The following GRM1 variants were observed in gnomAD, a reference collection of about 807,000 sequenced individuals.
GRM1 encodes the protein metabotropic glutamate receptor 1.
Under a neutral mutation model 90.9 loss-of-function variants are expected in GRM1, and 33 were observed. That is an observed-to-expected ratio of 0.36 (90% CI 0.28 to 0.49). The LOEUF (loss-of-function observed/expected upper bound fraction) is 0.49, where lower values mean the gene tolerates loss of function less well. GRM1 is among the 20% of genes least tolerant of loss of function. GRM1 has a pLI of 0.99. For missense variants in GRM1, 1,190 were observed against 1,534.3 expected (o/e 0.78, Z 3.75); for synonymous variants, 700 against 613.2 (o/e 1.14, Z -2.09).
At chr6:146,174,856 C>G (rs1460507895) in intron 2 of GRM1, among the ~76,000 whole-genome samples, 1 of 152,202 alleles carries the variant, frequency 6.6e-6, no homozygotes, top group Non-Finnish European at 1.5e-5. Flanking sequence ...TGCTTCCAAA[C>G]TCATTCACTT....
At chr6:146,311,764 CA>C (rs1401517817) in intron 3 of GRM1, among the ~76,000 whole-genome samples, 23 of 152,112 alleles carry the variant, frequency 1.5e-4, no homozygotes, top group Non-Finnish European at 3.1e-4. Context: ...CATGAACTTA[CA>C]AATTGTGAAA....
At chr6:146,146,895 A>G (rs192677716) in intron 1 of GRM1, among the ~76,000 whole-genome samples, 1 of 152,334 alleles carries the variant, frequency 6.6e-6, no homozygotes. Context: ...TAAGCAACAG[A>G]AAACAGAGTA....
chr6:146,349,251 T>A (rs113251681), intron 3 of GRM1, among the ~76,000 whole-genome samples: 2,201 of 150,516 alleles, frequency 0.015, 46 homozygotes, highest in African/African-American at 0.05. Flanking sequence ...TTTTTATTTT[T>A]TTTTTATTTT....
intron 1 of GRM1, among the ~76,000 whole-genome samples, chr6:146,042,307 T>C (rs1048244681): frequency 6.6e-6 from 1 of 152,038 alleles, no homozygotes; most frequent in Non-Finnish European, 1.5e-5. Context: ...AGGCTGCTAA[T>C]ATGCATCCTT....
chr6:146,186,566 G>T (rs1033088247), intron 2 of GRM1, among the ~76,000 whole-genome samples: 6 of 152,060 alleles, frequency 3.9e-5, no homozygotes, highest in Non-Finnish European at 8.8e-5. Context: ...CTGGGTACAT[G>T]ATCTGTTTAC....
chr6:146,232,902 A>G (rs1780496082), intron 2 of GRM1, among the ~76,000 whole-genome samples: 1 of 151,964 alleles, frequency 6.6e-6, no homozygotes, highest in Non-Finnish European at 1.5e-5. Flanking sequence ...TGCCAGAATT[A>G]TGAGTATAGA....
intron 1 of GRM1, among the ~76,000 whole-genome samples, chr6:146,104,019 G>A (rs1378640368): frequency 6.6e-6 from 1 of 152,150 alleles, no homozygotes; most frequent in African/African-American, 2.4e-5. Context: ...TGGTTTGGGA[G>A]TTGCTTGTTT....
chr6:146,091,114 T>A (rs894563940), intron 1 of GRM1, among the ~76,000 whole-genome samples: 1 of 152,100 alleles, frequency 6.6e-6, no homozygotes, highest in African/African-American at 2.4e-5. Context: ...AAGACAGAAC[T>A]GCCCTGGTCA....
intron 4 of GRM1, 113 bp downstream of exon 4, chr6:146,352,609 C>A (rs1785446450): frequency 2.9e-6 from 3 of 1,042,328 alleles, no homozygotes; most frequent in East Asian, 2.4e-5. Flanking sequence ...AGGATAGATA[C>A]AACTAGGTAG....
rs1402218552 is a variant in GRM1, at chr6:146,139,330, TTGATCTATAGTGCA to T, written c.701-20017_701-20004del. On this transcript the variant is annotated intron_variant, in intron 1 of 7. Transcript: ENST00000282753. ...TTCTGTAAATATCTATTATGTCTATTTGATCTATAGTGCAGATTAAGTTTGATGTTTCTGTGTTG... is the reference window on the plus strand; with the variant it reads ...TTCTGTAAATATCTATTATGTCTATTGATTAAGTTTGATGTTTCTGTGTTG... Among the ~76,000 whole-genome samples, 6 of 152,216 alleles carry T rather than the reference TTGATCTATAGTGCA, an allele frequency of 3.9e-5. No homozygotes were observed. The South Asian group carries it at 8.3e-4, about 21-fold the overall frequency.
At chr6:146,265,812 C>G (rs1781864288) in intron 2 of GRM1, among the ~76,000 whole-genome samples, 1 of 152,170 alleles carries the variant, frequency 6.6e-6, no homozygotes, top group Non-Finnish European at 1.5e-5. Context: ...TTTTTGTCAA[C>G]CATCATTGTA....
intron 2 of GRM1, among the ~76,000 whole-genome samples, chr6:146,203,241 A>C (rs189774194): frequency 7.1e-4 from 103 of 145,856 alleles, no homozygotes; most frequent in African/African-American, 2.3e-3. Flanking sequence ...ATAAATAAAT[A>C]AATCCCTGAA....
At chr6:146,380,362 C>A (rs545615951) in intron 5 of GRM1, among the ~76,000 whole-genome samples, 1 of 140,432 alleles carries the variant, frequency 7.1e-6, no homozygotes, top group Non-Finnish European at 1.6e-5. Flanking sequence ...CCAAAGGGCA[C>A]CCATCAGAGA....
chr6:146,213,738 G>GATA (rs1562533008), intron 2 of GRM1, among the ~76,000 whole-genome samples: 2 of 143,092 alleles, frequency 1.4e-5, no homozygotes, highest in Non-Finnish European at 3.1e-5. Context: ...ATAGATAGAT[G>GATA]GATGAAAGGA....
At chr6:146,322,594 A>ATTTTATTTTATTTTC (rs1203197882) in intron 3 of GRM1, among the ~76,000 whole-genome samples, 3 of 150,776 alleles carry the variant, frequency 2.0e-5, no homozygotes, top group Non-Finnish European at 2.9e-5. Flanking sequence ...ATTTTATTTT[A>ATTTTATTTTATTTTC]TTTTATTTTA....
At chr6:146,114,394 T>G (rs1775668304) in intron 1 of GRM1, among the ~76,000 whole-genome samples, 1 of 152,230 alleles carries the variant, frequency 6.6e-6, no homozygotes, top group African/African-American at 2.4e-5. Context: ...GTATAATCTT[T>G]TCCCAGGAAT....
chr6:146,422,167 C>A (rs551078693), intron 7 of GRM1, among the ~76,000 whole-genome samples: 3 of 152,242 alleles, frequency 2.0e-5, no homozygotes, highest in Admixed American at 1.3e-4. Flanking sequence ...AACCTCCAAA[C>A]CTCCGAAAAC....
At chr6:146,292,086 A>C (rs1195554270) in intron 2 of GRM1, among the ~76,000 whole-genome samples, 1 of 151,976 alleles carries the variant, frequency 6.6e-6, no homozygotes, top group Admixed American at 6.6e-5. Context: ...TTCTGAGAGG[A>C]CTGGATATCT....
At chr6:146,195,858 G>A (rs1779097197) in intron 2 of GRM1, among the ~76,000 whole-genome samples, 2 of 152,166 alleles carry the variant, frequency 1.3e-5, no homozygotes, top group South Asian at 4.1e-4. Context: ...CATACAGTAG[G>A]AACACTCATA....
Sources: gnomAD v4.1 joint callset for allele counts (sites outside exome capture counted in the v4.1 genomes callset) on GRCh38, gnomAD v4.1.1 for gene constraint, MANE v1.5 for transcripts, NCBI Gene and HGNC (gene_info 2026-07-23, HGNC 2026-07-21) for gene names.